The following NEBL variants were observed in gnomAD, a reference collection of about 807,000 sequenced individuals.
NEBL encodes LIM and SH3 protein 2.
NEBL carries 122 observed loss-of-function variants against 140.2 expected under a neutral mutation model. The ratio of observed to expected loss-of-function variants is 0.87; its 90% CI spans 0.75 to 1.01. The LOEUF (loss-of-function observed/expected upper bound fraction) is 1.01, where lower values mean the gene tolerates loss of function less well. NEBL is among the 50% of genes least tolerant of loss of function. NEBL has a pLI of 0.00. For synonymous variants in NEBL, 436 were observed against 398.9 expected, an observed-to-expected ratio of 1.09 and a Z score of -1.11; for missense variants, 1,365 against 1,231.3, an observed-to-expected ratio of 1.11 and a Z score of -1.62.
chr10:21,005,724 T>G (rs1025379700), intron 3 of NEBL, among the ~76,000 whole-genome samples: 2 of 151,956 alleles, frequency 1.3e-5, no homozygotes, highest in African/African-American at 4.8e-5. Context: ...ACAGAGCAAG[T>G]GTCTCAAAAC....
At position 21,284,086 on chromosome 10, in the gene NEBL, T is replaced by C. The variant is rs185607341; in HGVS notation, n.182+8744A>G. On this transcript the variant is annotated intron_variant and non_coding_transcript_variant, in intron 1 of 8. Transcript: ENST00000675702. ...TGAGCCAGGTATGGTGGCTCACGCCTGTAGTCCCAGCTACTCAGGAAGCTG... is the reference window on the plus strand; with the variant it reads ...TGAGCCAGGTATGGTGGCTCACGCCCGTAGTCCCAGCTACTCAGGAAGCTG... 7.2e-3 allele frequency among the ~76,000 whole-genome samples: 1,048 copies of C among 146,244 alleles called. 4 individuals carry two copies. The highest frequency in any genetic ancestry group is 0.011 in the Non-Finnish European group (751 of 67,004).
intron 2 of NEBL, among the ~76,000 whole-genome samples, chr10:21,155,460 T>C (rs983201096): frequency 7.9e-5 from 12 of 152,130 alleles, no homozygotes; most frequent in African/African-American, 2.9e-4. Flanking sequence ...CTGGTAACCA[T>C]CCTTTTACTC....
chr10:20,939,936 A>G (rs530385548), intron 4 of NEBL, among the ~76,000 whole-genome samples: 1 of 152,218 alleles, frequency 6.6e-6, no homozygotes, highest in South Asian at 2.1e-4. Context: ...TTCATAAAGC[A>G]AGTCCTTAGA....
chr10:21,138,964 A>G (rs1839487500), intron 2 of NEBL, among the ~76,000 whole-genome samples: 1 of 152,182 alleles, frequency 6.6e-6, no homozygotes. Context: ...AATAACAGCC[A>G]CTATCCATGA....
In NEBL at chr10:21,157,816, A is replaced by C. The variant is rs142182267; in HGVS notation, c.164+14567T>G. 4.1e-3 allele frequency among the ~76,000 whole-genome samples: 627 copies of C among 152,256 alleles called. 20 individuals carry two copies. Among genetic ancestry groups the C allele is most frequent in the Non-Finnish European group, 9.4e-4 (64 of 68,020 alleles). ...GATAGGGTCTTTGCTGAGGTAATCA[A>C]GTGAGAATGAGGTCATAGGTGTGGG... On this transcript the variant is annotated intron_variant, in intron 2 of 6. Transcript: ENST00000417816.
At chr10:21,061,597 A>G (rs1238703824) in intron 2 of NEBL, among the ~76,000 whole-genome samples, 1 of 151,216 alleles carries the variant, frequency 6.6e-6, no homozygotes. Context: ...TCATCTACCT[A>G]AACTTATCTG....
chr10:21,262,598 T>G (rs1842753188), intron 1 of NEBL, among the ~76,000 whole-genome samples: 8 of 152,236 alleles, frequency 5.3e-5, no homozygotes, highest in Admixed American at 5.2e-4. Context: ...GGGCTGAATT[T>G]TCTCTCAGGA....
chr10:21,117,838 T>A (rs1368729381), intron 2 of NEBL, among the ~76,000 whole-genome samples: 1 of 151,948 alleles, frequency 6.6e-6, no homozygotes, highest in Non-Finnish European at 1.5e-5. Flanking sequence ...ACAAACTGGG[T>A]TCAAGTAGCA....
chr10:20,961,921 G>A (rs1265596314), intron 3 of NEBL: 8 of 652,386 alleles, frequency 1.2e-5, no homozygotes, highest in Admixed American at 2.5e-5. Flanking sequence ...GAACCAGAAG[G>A]AAACAGCCAG....
At chr10:21,193,432 T>C (rs546444292) in intron 3 of NEBL, among the ~76,000 whole-genome samples, 10 of 152,304 alleles carry the variant, frequency 6.6e-5, no homozygotes, top group Non-Finnish European at 1.0e-4. Context: ...CCATCCCCAC[T>C]GAAATCACCA....
chr10:21,270,529 G>C (rs1454673660), intron 1 of NEBL, among the ~76,000 whole-genome samples: 1 of 152,030 alleles, frequency 6.6e-6, no homozygotes, highest in African/African-American at 2.4e-5. Flanking sequence ...ACCACACTCA[G>C]CTAATTTTTT....
At chr10:20,818,339 A>G (rs951363081) in intron 20 of NEBL, among the ~76,000 whole-genome samples, 7 of 151,996 alleles carry the variant, frequency 4.6e-5, no homozygotes, top group African/African-American at 4.8e-5. Context: ...ATGTCCTCTG[A>G]CCTCCCCAAG....
At chr10:21,200,308 C>CTTTTTTTTTTTTTT (rs10671099) in intron 3 of NEBL, among the ~76,000 whole-genome samples, 2 of 81,954 alleles carry the variant, frequency 2.4e-5, no homozygotes, top group African/African-American at 5.2e-5. Flanking sequence ...TTCCAAGGGA[C>CTTTTTTTTTTTTTT]TTTTTTTTTT....
At chr10:20,952,921 A>G (rs1312613234) in intron 4 of NEBL, among the ~76,000 whole-genome samples, 30 of 146,864 alleles carry the variant, frequency 2.0e-4, no homozygotes, top group South Asian at 8.4e-4. Context: ...AAAAAAAAAA[A>G]AAAAGAAAAA....
chr10:21,023,099 A>G (rs1342271165), intron 2 of NEBL, among the ~76,000 whole-genome samples: 1 of 152,222 alleles, frequency 6.6e-6, no homozygotes, highest in Admixed American at 6.5e-5. Flanking sequence ...AAAATGTAGC[A>G]ACTACGTATG....
chr10:21,061,914 A>G (rs1835323809), intron 2 of NEBL, among the ~76,000 whole-genome samples: 1 of 152,182 alleles, frequency 6.6e-6, no homozygotes, highest in South Asian at 2.1e-4. Flanking sequence ...AGGTTAACAT[A>G]AGCTATAGAT....
In NEBL at chr10:20,780,074, T is replaced by C. The variant is rs982924116; in HGVS notation, c.*5673A>G. 2 of 152,178 alleles carry C rather than the reference T, an allele frequency of 1.3e-5. No homozygotes were observed. 9.4% of individuals were successfully genotyped at this position (152,178 alleles called of 1,614,324 possible). A position where few individuals can be genotyped will look rare whatever the true frequency, so the allele number is the denominator to read the frequency against. On this transcript the variant is annotated 3_prime_UTR_variant, in exon 28 of 28. Coordinates refer to ENST00000377122, the MANE Select transcript of NEBL (RefSeq NM_006393.3). ...CCAAAGAGAAAGTTTTACAAAATAA[T>C]ACAATAAGACTAGCATCCAAATCGC... is the stretch of plus-strand genomic sequence containing the variant.
chr10:20,866,095 A>C (rs1217507429), intron 7 of NEBL, among the ~76,000 whole-genome samples: 1 of 152,174 alleles, frequency 6.6e-6, no homozygotes, highest in African/African-American at 2.4e-5. Flanking sequence ...ACTACAGTTA[A>C]CATGGCAAAA....
intron 10 of NEBL, among the ~76,000 whole-genome samples, chr10:20,850,784 T>C: frequency 6.6e-6 from 1 of 152,220 alleles, no homozygotes; most frequent in Non-Finnish European, 1.5e-5. Flanking sequence ...TATATAGATA[T>C]GTATCGTATA....
Sources: allele counts gnomAD v4.1 joint callset (sites outside exome capture counted in the v4.1 genomes callset), GRCh38; gene constraint gnomAD v4.1.1; transcripts MANE v1.5; gene names NCBI Gene and HGNC (gene_info 2026-07-23, HGNC 2026-07-21).